Variants in PACRG observed in about 807,000 individuals in gnomAD.
PACRG encodes the protein parkin coregulated gene protein.
A neutral mutation model predicts 29.7 loss-of-function variants in PACRG; 29 were observed. The ratio of observed to expected loss-of-function variants is 0.98; its 90% CI spans 0.73 to 1.33. PACRG has a LOEUF of 1.33. Ranked by LOEUF, PACRG falls within the 40% of genes most tolerant of loss-of-function variation. The pLI, the probability that PACRG is intolerant of heterozygous loss-of-function variation, is 0.00. For synonymous variants in PACRG, 116 were observed against 118.7 expected (o/e 0.98, Z 0.15); for missense variants, 279 against 316.2 (o/e 0.88, Z 0.89).
In PACRG at chr6:163,048,287, A is replaced by C. The variant is rs116372104; in HGVS notation, c.292-13863A>C. Among the ~76,000 whole-genome samples, 516 of 152,348 alleles carry C rather than the reference A, an allele frequency of 3.4e-3. 2 individuals carry two copies. Among genetic ancestry groups the C allele is most frequent in the African/African-American group, 0.012 (489 of 41,592 alleles). On this transcript the variant is annotated intron_variant, in intron 2 of 4. Coordinates refer to ENST00000366888, the MANE Select transcript of PACRG (RefSeq NM_001080379.2). ...AATGGGAATAATCCTAAAGTTCACC[A>C]TGAAGTATGGGATCTGCTATAGGTT...
rs1050933529 is a variant in PACRG, at chr6:163,123,508, T to C, written c.613+34100T>C. Among the ~76,000 whole-genome samples the C allele has an allele frequency of 2.6e-5, 4 of 152,228 alleles. No homozygotes were observed. The East Asian group carries it at 7.7e-4, about 29-fold the overall frequency. On this transcript the variant is annotated intron_variant, in intron 4 of 4. Coordinates refer to ENST00000366888, the MANE Select transcript of PACRG (RefSeq NM_001080379.2). ...TTTCTAGCTGCCTAAAAATTATTTC[T>C]TAATAACTCCTATATTACTACCCTC...
intron 2 of PACRG, among the ~76,000 whole-genome samples, chr6:162,937,228 C>T (rs1292933824): frequency 6.6e-6 from 1 of 152,154 alleles, no homozygotes; most frequent in Non-Finnish European, 1.5e-5. Context: ...CTAGTAGCCA[C>T]ATTTTAAAAA....
intron 2 of PACRG, among the ~76,000 whole-genome samples, chr6:162,887,185 T>C (rs1326279373): frequency 2.0e-5 from 3 of 152,150 alleles, no homozygotes; most frequent in Admixed American, 2.0e-4. Flanking sequence ...ACTCCCTACC[T>C]CAGGTGATCT....
In PACRG at chr6:162,981,305, A is replaced by ATATATATATATATATATACATATATATT. The variant is rs925663285; in HGVS notation, c.292-80844_292-80843insATATATATATATATATACATATATATTT. Reference sequence around the variant, plus strand: ...ATGTATAAAACATATATATATATATATTTACAATGGCAAAAATATAGAACC... The same window carrying ATATATATATATATATATACATATATATT: ...ATGTATAAAACATATATATATATATATATATATATATATATATACATATATATTTTTACAATGGCAAAAATATAGAACC... On this transcript the variant is annotated intron_variant, in intron 2 of 4. Transcript: ENST00000366888. 2.0e-5 allele frequency among the ~76,000 whole-genome samples: 3 copies of ATATATATATATATATATACATATATATT among 149,132 alleles called. No homozygotes were observed. The Admixed American group carries it at 2.0e-4, about 10-fold the overall frequency.
intron 2 of PACRG, among the ~76,000 whole-genome samples, chr6:163,014,952 A>G (rs947782216): frequency 2.0e-5 from 3 of 151,926 alleles, no homozygotes; most frequent in African/African-American, 7.2e-5. Context: ...CATTTCCTAC[A>G]TTTTCTTCTA....
intron 2 of PACRG, among the ~76,000 whole-genome samples, chr6:162,948,352 A>T (rs1226958946): frequency 1.3e-5 from 2 of 152,146 alleles, no homozygotes; most frequent in East Asian, 1.9e-4. Context: ...CAGAAGAACG[A>T]AACTAGACCC....
intron 4 of PACRG, among the ~76,000 whole-genome samples, chr6:163,249,314 T>G (rs1562338626): frequency 6.6e-6 from 1 of 152,162 alleles, no homozygotes; most frequent in Non-Finnish European, 1.5e-5. Flanking sequence ...CTGAAAATAC[T>G]AATACATTTT....
Position 162,728,194 on chromosome 6 carries a change from T to G in PACRG, c.-42T>G. ...TCACATCCGTAAAGCCCACTGATTC[T>G]TTTACTACACTTTTTATGAGAACAA... is the stretch of plus-strand genomic sequence containing the variant. On this transcript the variant is annotated 5_prime_UTR_variant, in exon 1 of 5. Transcript: ENST00000366888. 1 of 1,599,312 alleles carries G rather than the reference T, an allele frequency of 6.3e-7. No individual in the cohort carries two copies. The highest frequency in any genetic ancestry group is 8.5e-7 in the Non-Finnish European group (1 of 1,172,072).
intron 1 of PACRG, among the ~76,000 whole-genome samples, chr6:162,739,996 G>C (rs960281333): frequency 6.6e-6 from 1 of 151,636 alleles, no homozygotes; most frequent in Admixed American, 6.6e-5. Flanking sequence ...GGGAGGTAAG[G>C]CTTTCTTTTG....
intron 1 of PACRG, among the ~76,000 whole-genome samples, chr6:162,730,990 C>T (rs57196475): frequency 0.25 from 37,330 of 151,948 alleles, 5,412 homozygotes; most frequent in African/African-American, 0.39. Context: ...AAGCTTATCA[C>T]GAAGCAAGTT....
chr6:162,887,434 T>C (rs1159695152), intron 2 of PACRG, among the ~76,000 whole-genome samples: 1 of 152,146 alleles, frequency 6.6e-6, no homozygotes, highest in African/African-American at 2.4e-5. Flanking sequence ...AAATTAATAG[T>C]GGGTACAGCT....
chr6:163,289,131 G>A (rs1012270350), intron 4 of PACRG, among the ~76,000 whole-genome samples: 1 of 152,160 alleles, frequency 6.6e-6, no homozygotes, highest in African/African-American at 2.4e-5. Context: ...GGAATTCCGT[G>A]CACTGATATC....
chr6:163,290,514 C>T (rs1411568647), intron 4 of PACRG, among the ~76,000 whole-genome samples: 2 of 152,186 alleles, frequency 1.3e-5, no homozygotes, highest in East Asian at 1.9e-4. Context: ...CTGAGCGCCC[C>T]GCAGCCTGCC....
chr6:163,118,252 C>T (rs1050842011), intron 4 of PACRG, among the ~76,000 whole-genome samples: 12 of 152,170 alleles, frequency 7.9e-5, no homozygotes, highest in South Asian at 4.1e-4. Flanking sequence ...TTCGGATGAA[C>T]GGGTTTATGA....
chr6:162,812,445 G>A, intron 1 of PACRG, among the ~76,000 whole-genome samples: 1 of 151,824 alleles, frequency 6.6e-6, no homozygotes, highest in East Asian at 1.9e-4. Flanking sequence ...ATAAATATTT[G>A]TTCACACATT....
At chr6:162,953,722 T>G (rs1211502078) in intron 2 of PACRG, among the ~76,000 whole-genome samples, 1 of 142,862 alleles carries the variant, frequency 7.0e-6, no homozygotes, top group Admixed American at 7.1e-5. Flanking sequence ...CCCCCATTTC[T>G]CTCTCTTATT....
chr6:163,217,889 A>G (rs1319833534), intron 4 of PACRG, among the ~76,000 whole-genome samples: 3 of 152,030 alleles, frequency 2.0e-5, no homozygotes, highest in Non-Finnish European at 2.9e-5. Context: ...ATTTTACATT[A>G]TGGTGAGGTG....
chr6:162,852,231 TC>T (rs1246819416), intron 2 of PACRG, among the ~76,000 whole-genome samples: 1 of 152,144 alleles, frequency 6.6e-6, no homozygotes, highest in Non-Finnish European at 1.5e-5. Context: ...GTGATCAGCT[TC>T]CCCCAGAACT....
chr6:162,748,248 T>A (rs1206381847), intron 1 of PACRG, among the ~76,000 whole-genome samples: 2 of 152,146 alleles, frequency 1.3e-5, no homozygotes, highest in Non-Finnish European at 2.9e-5. Context: ...TCCAGCACTT[T>A]GGGAGGCCGA....
Sources: gnomAD v4.1 joint callset for allele counts (sites outside exome capture counted in the v4.1 genomes callset) on GRCh38, gnomAD v4.1.1 for gene constraint, MANE v1.5 for transcripts, NCBI Gene and HGNC (gene_info 2026-07-23, HGNC 2026-07-21) for gene names.